DPF3: variants seen among roughly 807,000 people sequenced by gnomAD.
DPF3 encodes zinc finger protein DPF3.
Under a neutral mutation model 56.8 loss-of-function variants are expected in DPF3, and 18 were observed. The ratio of observed to expected loss-of-function variants is 0.32; its 90% CI spans 0.22 to 0.47. The LOEUF is 0.47. Ranked by LOEUF, DPF3 falls within the 20% of genes least tolerant of loss-of-function variation. The pLI, the probability that DPF3 is intolerant of heterozygous loss-of-function variation, is 1.00. For synonymous variants in DPF3, 188 were observed against 180.2 expected (o/e 1.04, Z -0.35); for missense variants, 403 against 488.8 (o/e 0.82, Z 1.65).
intron 1 of DPF3, among the ~76,000 whole-genome samples, chr14:72,782,387 C>A (rs1300513390): frequency 5.9e-5 from 9 of 152,128 alleles, no homozygotes. Context: ...CCACACTTGG[C>A]TAATTTTTGT....
chr14:72,698,425 T>C (rs550418177), intron 6 of DPF3, among the ~76,000 whole-genome samples: 36 of 152,210 alleles, frequency 2.4e-4, no homozygotes, highest in Non-Finnish European at 4.4e-4. Context: ...ACACCTCTAA[T>C]ACCAGCACTT....
At chr14:72,725,647 G>A (rs1298388107) in intron 4 of DPF3, among the ~76,000 whole-genome samples, 1 of 152,088 alleles carries the variant, frequency 6.6e-6, no homozygotes, top group Non-Finnish European at 1.5e-5. Flanking sequence ...ATGGGTCAAA[G>A]ATCACAAATA....
At chr14:72,665,787 T>C (rs1780801591) in intron 8 of DPF3, among the ~76,000 whole-genome samples, 1 of 152,234 alleles carries the variant, frequency 6.6e-6, no homozygotes, top group Admixed American at 6.5e-5. Context: ...ATTGCATCGA[T>C]GTGAATTTCC....
chr14:72,844,956 C>A lies in DPF3; in HGVS notation c.32+49101G>T, dbSNP rs553567337. Among the ~76,000 whole-genome samples the A allele has an allele frequency of 5.9e-5, 9 of 152,278 alleles. No homozygotes were observed. The East Asian group carries it at 1.2e-3, about 20-fold the overall frequency. ...GCAACATAGTGAGTCCCTGACTCTA[C>A]AACAAATTTAAAAATTAGCCAGGCG... is the stretch of plus-strand genomic sequence containing the variant. On this transcript the variant is annotated intron_variant, in intron 1 of 10. Coordinates refer to ENST00000556509, the MANE Select transcript of DPF3 (RefSeq NM_001280542.3).
chr14:72,852,620 C>T (rs979561763), intron 1 of DPF3, among the ~76,000 whole-genome samples: 1 of 152,216 alleles, frequency 6.6e-6, no homozygotes, highest in Admixed American at 6.5e-5. Context: ...CACATTCTCA[C>T]GTTATACATT....
At position 72,609,927 on chromosome 14, in the gene DPF3, C is replaced by A. The variant is rs564220729; in HGVS notation, c.*9370G>T. On this transcript the variant is annotated 3_prime_UTR_variant, in exon 11 of 11. Transcript: ENST00000556509. ...AAAACCTCATCTGCAAGAGGCAATG[C>A]GGCGTTGGGTCCCAAGGATCAGTGG... Among the ~76,000 whole-genome samples, 4 of 152,328 alleles carry A rather than the reference C, an allele frequency of 2.6e-5. No individual in the cohort carries two copies. The highest frequency in any genetic ancestry group is 1.9e-4 in the East Asian group (1 of 5,182).
At chr14:72,880,021 A>G in intron 1 of DPF3, 2 of 1,385,154 alleles carry the variant, frequency 1.4e-6, no homozygotes, top group Non-Finnish European at 1.9e-6. Context: ...ACTGTGGTAT[A>G]GAATCCAGTT....
At chr14:72,871,746 G>A (rs10146140) in intron 1 of DPF3, among the ~76,000 whole-genome samples, 5 of 152,204 alleles carry the variant, frequency 3.3e-5, no homozygotes, top group African/African-American at 7.2e-5. Flanking sequence ...TCCCTCCTGC[G>A]TACTTTCACA....
At chr14:72,635,429 A>G (rs994041541) in intron 8 of DPF3, among the ~76,000 whole-genome samples, 2 of 152,248 alleles carry the variant, frequency 1.3e-5, no homozygotes, top group Non-Finnish European at 2.9e-5. Flanking sequence ...AAAATGTTCA[A>G]GGGACAGCAA....
chr14:72,862,698 T>A (rs926481094), intron 1 of DPF3, among the ~76,000 whole-genome samples: 2 of 152,126 alleles, frequency 1.3e-5, no homozygotes, highest in African/African-American at 4.8e-5. Flanking sequence ...CACCTGCTGT[T>A]CCCTCTGACT....
intron 3 of DPF3, among the ~76,000 whole-genome samples, chr14:72,733,855 A>C (rs1196022219): frequency 6.6e-6 from 1 of 152,244 alleles, no homozygotes; most frequent in African/African-American, 2.4e-5. Context: ...GCAAGCGGGC[A>C]TCCATTAAAA....
chr14:72,624,333 C>CTTTTTTTTTT (rs55820708), intron 9 of DPF3, among the ~76,000 whole-genome samples: 17 of 97,800 alleles, frequency 1.7e-4, no homozygotes, highest in East Asian at 3.3e-4. Flanking sequence ...ACCTATGTCT[C>CTTTTTTTTTT]TTTTTTTTTT....
chr14:72,632,716 G>C (rs1420419169), intron 8 of DPF3, among the ~76,000 whole-genome samples: 3 of 113,498 alleles, frequency 2.6e-5, no homozygotes, highest in African/African-American at 8.7e-5. Flanking sequence ...AGGGAAGGAA[G>C]GGAAGGAAGG....
chr14:72,776,857 C>A (rs1354173709), intron 1 of DPF3, among the ~76,000 whole-genome samples: 1 of 150,958 alleles, frequency 6.6e-6, no homozygotes, highest in Non-Finnish European at 1.5e-5. Context: ...TCTCAATCCT[C>A]CTAGGGGCGG....
At chr14:72,842,592 A>T (rs1200856786) in intron 1 of DPF3, among the ~76,000 whole-genome samples, 1 of 152,134 alleles carries the variant, frequency 6.6e-6, no homozygotes, top group Non-Finnish European at 1.5e-5. Flanking sequence ...GGCTTCTGTG[A>T]TGTTTCTTCA....
intron 4 of DPF3, among the ~76,000 whole-genome samples, chr14:72,729,737 G>A (rs1020974241): frequency 1.4e-4 from 22 of 152,166 alleles, no homozygotes; most frequent in African/African-American, 3.1e-4. Flanking sequence ...CTATGGAGAC[G>A]GGGAAACGGC....
intron 1 of DPF3, among the ~76,000 whole-genome samples, chr14:72,792,506 C>A (rs12887732): frequency 0.68 from 103,515 of 152,004 alleles, 35,482 homozygotes; most frequent in East Asian, 0.78. Context: ...CACTCTCTTG[C>A]ACACACACAC....
intron 1 of DPF3, among the ~76,000 whole-genome samples, chr14:72,796,507 AAAT>A (rs1450374944): frequency 1.3e-5 from 2 of 152,186 alleles, no homozygotes; most frequent in African/African-American, 4.8e-5. Flanking sequence ...ATTTATCACT[AAAT>A]AAATAAATAA....
rs1053789061 is a variant in DPF3, at chr14:72,755,282, AG to A, written c.194-1912del. Among the ~76,000 whole-genome samples the A allele has an allele frequency of 5.9e-5, 9 of 152,214 alleles. No homozygotes were observed. In the East Asian group the frequency reaches 1.2e-3, roughly 20 times the overall value. ...CCAGGTCCTACACCCTCCCTGAGACAGCAGTCACTGTGCTTGGTGGTCAGCG... is the reference window on the plus strand; with the variant it reads ...CCAGGTCCTACACCCTCCCTGAGACACAGTCACTGTGCTTGGTGGTCAGCG... On this transcript the variant is annotated intron_variant, in intron 2 of 10. Transcript: ENST00000556509.
Sources: gnomAD v4.1 joint callset for allele counts (sites outside exome capture counted in the v4.1 genomes callset) on GRCh38, gnomAD v4.1.1 for gene constraint, MANE v1.5 for transcripts, NCBI Gene and HGNC (gene_info 2026-07-23, HGNC 2026-07-21) for gene names.